DMD: variants seen among roughly 807,000 people sequenced by gnomAD.
The protein encoded by DMD is dystrophin.
DMD carries 63 observed loss-of-function variants against 330.1 expected under a neutral mutation model. That is an observed-to-expected ratio of 0.19 (90% confidence interval 0.16 to 0.24). The LOEUF is 0.24. Ranked by LOEUF, DMD falls within the 10% of genes least tolerant of loss-of-function variation. DMD has a pLI of 1.00. For synonymous variants in DMD, 1,223 were observed against 959.8 expected (o/e 1.27, Z -5.07); for missense variants, 3,344 against 2,684.1 (o/e 1.25, Z -5.43).
intron 1 of DMD, among the ~76,000 whole-genome samples, chrX:33,073,022 C>A (rs983379911): frequency 8.9e-6 from 1 of 111,995 alleles, no homozygotes; most frequent in Non-Finnish European, 1.9e-5. Flanking sequence ...TCAGAAATTT[C>A]TTTTTAATGT....
intron 49 of DMD, among the ~76,000 whole-genome samples, chrX:31,822,653 G>GGGTGTGTGTGTGTGTGTGTGTGTGTGT (rs58903799): frequency 2.4e-4 from 16 of 65,804 alleles, no homozygotes; most frequent in African/African-American, 7.0e-4. Flanking sequence ...AAGGCAGAGG[G>GGGTGTGTGTGTGTGTGTGTGTGTGTGT]GTGTGTGTGT....
chrX:32,554,897 G>GA (rs1227991091), intron 16 of DMD, among the ~76,000 whole-genome samples: 9 of 23,905 alleles, frequency 3.8e-4, no homozygotes, highest in Admixed American at 3.2e-3. Flanking sequence ...AAGAAAGAAA[G>GA]AAAGAAAGAA....
chrX:31,843,539 T>C (rs754912866), intron 48 of DMD, among the ~76,000 whole-genome samples: 17 of 112,000 alleles, frequency 1.5e-4, no homozygotes, highest in African/African-American at 5.2e-4. Flanking sequence ...TATATTCATG[T>C]CTTTTGCCCA....
intron 41 of DMD, among the ~76,000 whole-genome samples, chrX:32,311,511 T>C (rs1235991035): frequency 9.0e-6 from 1 of 111,692 alleles, no homozygotes; most frequent in Non-Finnish European, 1.9e-5. Context: ...AGATATCTCA[T>C]CTACTTGTGA....
chrX:31,773,031 T>G (rs1828166218), intron 51 of DMD, among the ~76,000 whole-genome samples: 1 of 111,794 alleles, frequency 8.9e-6, no homozygotes, highest in Admixed American at 9.6e-5. Context: ...AAATTACTTT[T>G]ATTCCTATGG....
intron 53 of DMD, among the ~76,000 whole-genome samples, chrX:31,664,262 A>C (rs1204938771): frequency 9.0e-6 from 1 of 111,227 alleles, no homozygotes; most frequent in East Asian, 2.8e-4. Context: ...GAGCGACCCC[A>C]ATCAACCTGC....
chrX:32,478,084 G>A (rs2041427080), intron 21 of DMD, among the ~76,000 whole-genome samples: 1 of 111,599 alleles, frequency 9.0e-6, no homozygotes, highest in African/African-American at 3.2e-5. Context: ...TTATTTTTCT[G>A]TTGGATAGTG....
chrX:32,950,452 G>C (rs772292433), intron 2 of DMD, among the ~76,000 whole-genome samples: 1 of 111,059 alleles, frequency 9.0e-6, no homozygotes, highest in South Asian at 3.8e-4. Flanking sequence ...AGATCACTCT[G>C]TTGGCACATT....
chrX:31,934,588 G>A (rs1249723342), intron 45 of DMD, among the ~76,000 whole-genome samples: 1 of 111,571 alleles, frequency 9.0e-6, no homozygotes, highest in African/African-American at 3.3e-5. Context: ...GGGACACTGG[G>A]AGCAGGGTCT....
At chrX:31,903,929 AT>A (rs2094450250) in intron 47 of DMD, among the ~76,000 whole-genome samples, 1 of 112,004 alleles carries the variant, frequency 8.9e-6, no homozygotes, top group African/African-American at 3.2e-5. Flanking sequence ...TTTTGAAAAA[AT>A]AATAGGAATT....
intron 73 of DMD, 64 bp downstream of exon 73, chrX:31,172,284 C>G (rs1008545194): frequency 1.2e-4 from 98 of 791,868 alleles, no homozygotes; most frequent in Middle Eastern, 5.6e-4. Context: ...GCTATCCTAC[C>G]TCTAAATCCC....
Position 33,023,884 on chromosome X carries a change from G to C in DMD, c.32-3684C>G, listed in dbSNP as rs545867829. Among the ~76,000 whole-genome samples, 4 of 111,236 alleles carry C rather than the reference G, an allele frequency of 3.6e-5. No individual in the cohort carries two copies. The South Asian group carries it at 1.5e-3, about 42-fold the overall frequency. ...CTATAACCATAAAATCCAAGTTAAC[G>C]ATCAAAATTAAGCTACTCACTTTTA... On this transcript the variant is annotated intron_variant, in intron 1 of 78. Transcript: ENST00000357033.
intron 7 of DMD, among the ~76,000 whole-genome samples, chrX:32,805,942 A>G (rs1319786795): frequency 8.9e-6 from 1 of 112,211 alleles, no homozygotes; most frequent in Non-Finnish European, 1.9e-5. Context: ...AGCACTAAAT[A>G]TGGCAAGGAC....
chrX:32,413,386 T>A (rs2098151909), intron 29 of DMD, among the ~76,000 whole-genome samples: 1 of 111,894 alleles, frequency 8.9e-6, no homozygotes, highest in Non-Finnish European at 1.9e-5. Context: ...TGATTCCCTT[T>A]ATTAGATGTA....
chrX:32,011,956 C>A (rs1201299866), intron 44 of DMD, among the ~76,000 whole-genome samples: 2 of 111,862 alleles, frequency 1.8e-5, no homozygotes, highest in Non-Finnish European at 3.8e-5. Flanking sequence ...AAATCAAAAT[C>A]AAAATATTCT....
intron 60 of DMD, among the ~76,000 whole-genome samples, chrX:31,414,573 C>T (rs116612100): frequency 8.9e-6 from 1 of 112,128 alleles, no homozygotes; most frequent in East Asian, 2.8e-4. Context: ...TAAAGTTCCA[C>T]TAGTTTTTCC....
chrX:32,239,931 T>G (rs775967298), intron 43 of DMD, among the ~76,000 whole-genome samples: 1 of 112,184 alleles, frequency 8.9e-6, no homozygotes, highest in East Asian at 2.8e-4. Context: ...TTTAAAAAGT[T>G]TTCTTAAGGT....
intron 55 of DMD, among the ~76,000 whole-genome samples, chrX:31,564,965 T>C (rs1434144520): frequency 8.9e-6 from 1 of 112,403 alleles, no homozygotes; most frequent in East Asian, 2.8e-4. Context: ...CACTTCAGTT[T>C]CTTTGTGCCT....
intron 55 of DMD, among the ~76,000 whole-genome samples, chrX:31,588,638 T>C (rs1399277526): frequency 9.0e-6 from 1 of 110,957 alleles, no homozygotes; most frequent in Non-Finnish European, 1.9e-5. Context: ...TAGTATGTAC[T>C]CTTCCCTTGA....
Sources: allele counts gnomAD v4.1 joint callset (sites outside exome capture counted in the v4.1 genomes callset), GRCh38; gene constraint gnomAD v4.1.1; transcripts MANE v1.5; gene names NCBI Gene and HGNC (gene_info 2026-07-23, HGNC 2026-07-21).